Variants in PCDHGA2 observed in about 807,000 individuals in gnomAD.
PCDHGA2 encodes the protein protocadherin gamma subfamily A, 2.
PCDHGA2 carries 40 observed loss-of-function variants against 59.2 expected under a neutral mutation model. The ratio of observed to expected loss-of-function variants is 0.68; its 90% CI spans 0.52 to 0.88. PCDHGA2 has a LOEUF of 0.88. Among genes scored for constraint, PCDHGA2 ranks in the 40% least tolerant of loss-of-function variants. The pLI is 0.00. For missense variants in PCDHGA2, 1,226 were observed against 1,204.0 expected, an observed-to-expected ratio of 1.02 and a Z score of -0.27; for synonymous variants, 560 against 526.0, an observed-to-expected ratio of 1.06 and a Z score of -0.89.
chr5:141,423,883 A>G, intron 1 of PCDHGA2: 2 of 1,283,462 alleles, frequency 1.6e-6, no homozygotes, highest in Non-Finnish European at 2.0e-6. Context: ...CAATCTTGGC[A>G]TATTTTCTTT....
intron 1 of PCDHGA2, chr5:141,422,195 A>G: frequency 6.4e-7 from 1 of 1,562,278 alleles, no homozygotes; most frequent in African/African-American, 1.4e-5. Flanking sequence ...ATTCAAGGCC[A>G]AGATGGTGGA....
At chr5:141,459,814 T>C (rs757306281) in intron 1 of PCDHGA2, among the ~76,000 whole-genome samples, 1 of 152,256 alleles carries the variant, frequency 6.6e-6, no homozygotes, top group African/African-American at 2.4e-5. Flanking sequence ...CTAGAGACAC[T>C]GAGCAACTTT....
intron 1 of PCDHGA2, chr5:141,372,064 A>G (rs534724571): frequency 1.2e-6 from 2 of 1,613,610 alleles, no homozygotes; most frequent in Non-Finnish European, 1.7e-6. Context: ...GACCGCAACG[A>G]CAATGCACCG....
At chr5:141,433,034 C>G (rs1357694242) in intron 1 of PCDHGA2, 2 of 1,614,184 alleles carry the variant, frequency 1.2e-6, no homozygotes, top group Non-Finnish European at 1.7e-6. Flanking sequence ...CGAGGTTTCC[C>G]TCACCACGGA....
intron 1 of PCDHGA2, among the ~76,000 whole-genome samples, chr5:141,475,380 T>A (rs2099362720): frequency 6.6e-6 from 1 of 152,244 alleles, no homozygotes; most frequent in South Asian, 2.1e-4. Flanking sequence ...TACTTTTAAA[T>A]TTTATAAGCC....
chr5:141,403,532 C>T (rs1313886103), intron 1 of PCDHGA2: 2 of 1,613,892 alleles, frequency 1.2e-6, no homozygotes, highest in African/African-American at 2.7e-5. Context: ...AAACCCAGAG[C>T]TGGTGCTGGA....
rs768142136 is a variant in PCDHGA2, at chr5:141,339,173, TCCAGAGGTAGGTC to T, written c.207_219del (p.Arg69SerfsTer5). The T allele has an allele frequency of 1.2e-6, 2 of 1,614,110 alleles. No homozygotes were observed. The highest frequency in any genetic ancestry group is 2.2e-5 in the South Asian group (2 of 91,088). On this transcript the variant is annotated frameshift_variant, in exon 1 of 4. Coordinates refer to ENST00000394576, the MANE Select transcript of PCDHGA2 (RefSeq NM_018915.4). LOFTEE classifies it high-confidence loss of function. ...GGCAGAGCAGGGAGTCCGCATCGTC[TCCAGAGGTAGGTC>T]CCAGCTCTTTGCTCTGAACCCGCGA... is the stretch of plus-strand genomic sequence containing the variant.
chr5:141,457,270 T>C (rs1338894991), intron 1 of PCDHGA2, among the ~76,000 whole-genome samples: 2 of 152,234 alleles, frequency 1.3e-5, no homozygotes. Flanking sequence ...TTCCCCTCTG[T>C]GGGCCTACGA....
intron 1 of PCDHGA2, chr5:141,356,285 C>A (rs1405876688): frequency 3.9e-6 from 6 of 1,556,488 alleles, no homozygotes; most frequent in African/African-American, 1.4e-5. Flanking sequence ...TCTTCTTCCC[C>A]GGGTACAGTA....
At chr5:141,475,778 T>A (rs1204790631) in intron 1 of PCDHGA2, among the ~76,000 whole-genome samples, 1 of 152,400 alleles carries the variant, frequency 6.6e-6, no homozygotes. Context: ...GCGCTTTGGC[T>A]GGAAACTCTG....
chr5:141,351,265 C>T (rs748596533), intron 1 of PCDHGA2: 4 of 1,613,896 alleles, frequency 2.5e-6, no homozygotes, highest in Admixed American at 1.7e-5. Flanking sequence ...AAATTGTTGA[C>T]GAGAATGACA....
At chr5:141,433,605 G>C (rs1411907056) in intron 1 of PCDHGA2, among the ~76,000 whole-genome samples, 1 of 152,114 alleles carries the variant, frequency 6.6e-6, no homozygotes. Context: ...GGAGGCCGAG[G>C]CGGGTGGATC....
chr5:141,383,077 G>A (rs1415482680), intron 1 of PCDHGA2: 2 of 1,613,774 alleles, frequency 1.2e-6, no homozygotes, highest in African/African-American at 2.7e-5. Flanking sequence ...CCGGGAGCTG[G>A]CGGAGCGCGG....
chr5:141,368,406 T>A (rs1160875072), intron 1 of PCDHGA2, among the ~76,000 whole-genome samples: 2 of 151,988 alleles, frequency 1.3e-5, no homozygotes, highest in Non-Finnish European at 2.9e-5. Context: ...CACACATACA[T>A]ACACACATGG....
At chr5:141,350,486 T>G (rs1353463823) in intron 1 of PCDHGA2, 4 of 1,613,770 alleles carry the variant, frequency 2.5e-6, no homozygotes, top group Non-Finnish European at 3.4e-6. Context: ...CAACGTTAGT[T>G]TGGAGAGCGG....
At chr5:141,403,616 C>G (rs2094434764) in intron 1 of PCDHGA2, 11 of 1,613,892 alleles carry the variant, frequency 6.8e-6, no homozygotes, top group Non-Finnish European at 9.3e-6. Flanking sequence ...CGAGCCGCGT[C>G]GCTCCAGCAC....
At chr5:141,445,294 T>G (rs1012635904) in intron 1 of PCDHGA2, among the ~76,000 whole-genome samples, 2 of 152,238 alleles carry the variant, frequency 1.3e-5, no homozygotes. Flanking sequence ...CAGGCTTCCA[T>G]TCTCTTCAGT....
intron 1 of PCDHGA2, among the ~76,000 whole-genome samples, chr5:141,373,204 A>G (rs1769394897): frequency 6.6e-6 from 1 of 152,216 alleles, no homozygotes; most frequent in South Asian, 2.1e-4. Context: ...ATATCTTAAC[A>G]CATTTTTAAT....
In PCDHGA2 at chr5:141,408,826, T is replaced by C. The variant is rs138252575; in HGVS notation, c.2424+67431T>C. ...TAGACCGGGAAGAACAGAGATCTCA[T>C]AGCTTGATATTGACTGCCTTGGACG... On this transcript the variant is annotated intron_variant, in intron 1 of 3. Coordinates refer to ENST00000394576, the MANE Select transcript of PCDHGA2 (RefSeq NM_018915.4). The C allele has an allele frequency of 6.1e-5, 98 of 1,613,582 alleles. No homozygotes were observed. The African/African-American group carries it at 9.9e-4, about 16-fold the overall frequency.
Sources: allele counts gnomAD v4.1 joint callset (sites outside exome capture counted in the v4.1 genomes callset), GRCh38; gene constraint gnomAD v4.1.1; transcripts MANE v1.5; gene names NCBI Gene and HGNC (gene_info 2026-07-23, HGNC 2026-07-21).